KMT2C: variants seen among roughly 807,000 people sequenced by gnomAD.
KMT2C encodes histone-lysine N-methyltransferase 2C.
A neutral mutation model predicts 507.9 loss-of-function variants in KMT2C; 88 were observed. The observed-to-expected ratio is 0.17, with a 90% CI of 0.15 to 0.21. The LOEUF (loss-of-function observed/expected upper bound fraction) is 0.21, where lower values mean the gene tolerates loss of function less well. Ranked by LOEUF, KMT2C falls within the 10% of genes least tolerant of loss-of-function variation. KMT2C has a pLI of 1.00. For synonymous variants in KMT2C, 2,049 were observed against 2,080.8 expected (o/e 0.98, Z 0.42); for missense variants, 4,954 against 5,957.8 (o/e 0.83, Z 5.55).
chr7:152,362,820 A>G (rs1193840103), intron 1 of KMT2C, among the ~76,000 whole-genome samples: 1 of 152,158 alleles, frequency 6.6e-6, no homozygotes, highest in Non-Finnish European at 1.5e-5. Flanking sequence ...TTAAAAAATA[A>G]TTTTGATTTT....
At position 152,248,359 on chromosome 7, in the gene KMT2C, A is replaced by T. The variant is rs2129164294; in HGVS notation, c.2075T>A (p.Val692Asp). The part of the protein sequence containing the change: ...SRPPKLVMES[V>D]TLPLETLVSP... ...CACTAAGGTTTCTAGTGGAAGAGTG[A>T]CAGATTCCATGACTAATTTTGGAGG... is the stretch of plus-strand genomic sequence containing the variant. The change falls in exon 14 of 59, where the codon GTC (valine) becomes GAC (aspartate). Residue 692 changes from valine to aspartate, a missense_variant. By Grantham distance (152) the Val-to-Asp change is radical (BLOSUM62 -3). This residue lies in a region of KMT2C where 376 missense variants were observed against 352.4 expected (regional missense o/e 1.07). Transcript: ENST00000262189. 1.9e-6 allele frequency: 3 copies of T among 1,613,948 alleles called. No homozygotes were observed. The highest frequency in any genetic ancestry group is 2.5e-6 in the Non-Finnish European group (3 of 1,179,914).
intron 8 of KMT2C, 96 bp downstream of exon 8, chr7:152,264,942 T>C (rs2095838819): frequency 7.1e-7 from 1 of 1,414,840 alleles, no homozygotes; most frequent in Non-Finnish European, 9.3e-7. Context: ...AGCTAAAATA[T>C]GAACAACCTC....
chr7:152,379,413 C>T (rs571327003), intron 1 of KMT2C, among the ~76,000 whole-genome samples: 55 of 151,588 alleles, frequency 3.6e-4, no homozygotes, highest in Admixed American at 3.3e-4. Flanking sequence ...TGGTGGGCAC[C>T]TGTAATCCCA....
intron 42 of KMT2C, among the ~76,000 whole-genome samples, chr7:152,166,192 G>A (rs564145531): frequency 1.2e-4 from 18 of 148,616 alleles, no homozygotes; most frequent in Middle Eastern, 7.3e-3. Context: ...GCGCAAGCTC[G>A]GCTCACCACA....
chr7:152,388,958 T>C (rs1225476459), intron 1 of KMT2C, among the ~76,000 whole-genome samples: 2 of 152,104 alleles, frequency 1.3e-5, no homozygotes, highest in Non-Finnish European at 2.9e-5. Flanking sequence ...GTGTTGGTCA[T>C]ACTGGTCTCA....
chr7:152,390,209 A>T (rs1394318987), intron 1 of KMT2C, among the ~76,000 whole-genome samples: 1 of 152,212 alleles, frequency 6.6e-6, no homozygotes, highest in Non-Finnish European at 1.5e-5. Context: ...TGAATCTAAA[A>T]TAAAATAAAT....
intron 14 of KMT2C, among the ~76,000 whole-genome samples, chr7:152,241,732 T>C (rs999462698): frequency 7.2e-5 from 11 of 152,366 alleles, no homozygotes; most frequent in African/African-American, 2.4e-4. Flanking sequence ...TTGGCTAACA[T>C]ACATCTTAAA....
chr7:152,151,355 T>G, intron 50 of KMT2C, 87 bp downstream of exon 50: 1 of 1,364,770 alleles, frequency 7.3e-7, no homozygotes, highest in Non-Finnish European at 1.0e-6. Flanking sequence ...CCATAAGTGG[T>G]GTCTCTCTCT....
At position 152,368,654 on chromosome 7, in the gene KMT2C, T is replaced by A. The variant is rs534063256; in HGVS notation, c.162-9979A>T. ...GAAAAGAACAAGAAGAAAGGGAAGATCTTTTAAACTCTCTATTGACCACCA... is the reference window on the plus strand; with the variant it reads ...GAAAAGAACAAGAAGAAAGGGAAGAACTTTTAAACTCTCTATTGACCACCA... On this transcript the variant is annotated intron_variant, in intron 1 of 58. Transcript: ENST00000262189. The A allele has an allele frequency of 3.2e-4, 458 of 1,452,578 alleles. 1 individual carries two copies. Among genetic ancestry groups the A allele is most frequent in the South Asian group, 3.6e-4 (30 of 83,502 alleles). 90.0% of individuals were successfully genotyped at this position (1,452,578 alleles called of 1,614,324 possible). A position where few individuals can be genotyped will look rare whatever the true frequency, so the allele number is the denominator to read the frequency against.
intron 3 of KMT2C, among the ~76,000 whole-genome samples, chr7:152,315,792 C>T (rs1302163337): frequency 6.6e-6 from 1 of 152,120 alleles, no homozygotes; most frequent in Admixed American, 6.5e-5. Context: ...TGGCACACCC[C>T]TGTAATCCCA....
Position 152,334,585 on chromosome 7 carries a change from T to C in KMT2C, c.251-3846A>G, listed in dbSNP as rs140332170. Among the ~76,000 whole-genome samples, 59 of 152,192 alleles carry C rather than the reference T, an allele frequency of 3.9e-4. 1 individual carries two copies. In the East Asian group the frequency reaches 0.011, roughly 29 times the overall value. ...CCCCAACCCTCTTTGCAGCAAACCA[T>C]GGCAAGTTCTCACCGAGAGAATATG... On this transcript the variant is annotated intron_variant, in intron 2 of 58. Transcript: ENST00000262189.
intron 1 of KMT2C, among the ~76,000 whole-genome samples, chr7:152,431,777 A>T (rs2097864559): frequency 6.6e-6 from 1 of 152,208 alleles, no homozygotes; most frequent in South Asian, 2.1e-4. Flanking sequence ...CAAAAATTTT[A>T]TCAGATCTCT....
intron 1 of KMT2C, among the ~76,000 whole-genome samples, chr7:152,383,106 C>A (rs1334270144): frequency 6.6e-6 from 1 of 152,288 alleles, no homozygotes. Context: ...TTCTACTTTT[C>A]TATATTTTCC....
intron 31 of KMT2C, among the ~76,000 whole-genome samples, chr7:152,192,735 T>C (rs1477302566): frequency 6.6e-6 from 1 of 152,158 alleles, no homozygotes; most frequent in Admixed American, 6.5e-5. Context: ...ATATACAAAG[T>C]TGTTAGTAAA....
At chr7:152,391,294 A>G (rs2097495309) in intron 1 of KMT2C, among the ~76,000 whole-genome samples, 1 of 150,798 alleles carries the variant, frequency 6.6e-6, no homozygotes, top group Admixed American at 6.6e-5. Flanking sequence ...GCTGAAGTGC[A>G]CTGACTGGTT....
At chr7:152,379,486 C>A (rs1403023818) in intron 1 of KMT2C, among the ~76,000 whole-genome samples, 3 of 151,352 alleles carry the variant, frequency 2.0e-5, no homozygotes, top group Non-Finnish European at 2.9e-5. Context: ...TGCAGTGAGC[C>A]GAGATCATGC....
intron 44 of KMT2C, 128 bp from the exon 45 acceptor site, chr7:152,156,474 T>C: frequency 8.4e-7 from 1 of 1,186,702 alleles, no homozygotes; most frequent in Non-Finnish European, 1.1e-6. Flanking sequence ...AGATGTATCT[T>C]GCACACCAAG....
chr7:152,210,475 T>C (rs534052636), intron 23 of KMT2C, among the ~76,000 whole-genome samples: 1 of 152,224 alleles, frequency 6.6e-6, no homozygotes, highest in Non-Finnish European at 1.5e-5. Context: ...GCAGCCAAGA[T>C]GCTTTAAATG....
At chr7:152,276,775 C>T (rs983566306) in intron 6 of KMT2C, among the ~76,000 whole-genome samples, 1 of 149,444 alleles carries the variant, frequency 6.7e-6, no homozygotes, top group Non-Finnish European at 1.5e-5. Flanking sequence ...AAAAAAAAGG[C>T]CCTTAAATGG....
Sources: allele counts gnomAD v4.1 joint callset (sites outside exome capture counted in the v4.1 genomes callset), GRCh38; gene constraint gnomAD v4.1.1; regional missense constraint gnomAD v4.1.1; transcripts MANE v1.5; gene names NCBI Gene and HGNC (gene_info 2026-07-23, HGNC 2026-07-21).